The following SLC25A48 variants were observed in gnomAD, a reference collection of about 807,000 sequenced individuals.
The protein encoded by SLC25A48 is CTC-321K16.1.
SLC25A48 carries 29 observed loss-of-function variants against 32.2 expected under a neutral mutation model. The ratio of observed to expected loss-of-function variants is 0.90; its 90% CI spans 0.67 to 1.23. SLC25A48 has a LOEUF of 1.23. SLC25A48 is among the 50% of genes most tolerant of loss of function. The pLI, the probability that SLC25A48 is intolerant of heterozygous loss-of-function variation, is 0.00. For synonymous variants in SLC25A48, 164 were observed against 172.3 expected (o/e 0.95, Z 0.38); for missense variants, 399 against 422.7 (o/e 0.94, Z 0.49).
intron 4 of SLC25A48, among the ~76,000 whole-genome samples, chr5:135,860,267 T>C (rs928114415): frequency 3.9e-5 from 6 of 152,230 alleles, no homozygotes; most frequent in African/African-American, 1.4e-4. Flanking sequence ...TCCTCTCCCA[T>C]TTTTCTTGAG....
chr5:135,767,604 C>T (rs1442550206), intron 3 of SLC25A48, among the ~76,000 whole-genome samples: 1 of 151,750 alleles, frequency 6.6e-6, no homozygotes, highest in Non-Finnish European at 1.5e-5. Context: ...GTGATTACTC[C>T]CAATATCGCA....
Position 135,820,611 on chromosome 5 carries a change from CAA to C in SLC25A48, c.-117+7687_-117+7688del, listed in dbSNP as rs1203468362. On this transcript the variant is annotated intron_variant, in intron 4 of 10. Transcript: ENST00000646290. ...AATATGGTATTGGTACAAAGAGAGA[CAA>C]AGAGATGGATAAAAAAAATCATAAA... Among the ~76,000 whole-genome samples the C allele has an allele frequency of 5.9e-5, 9 of 151,734 alleles. No homozygotes were observed. In the South Asian group the frequency reaches 1.0e-3, roughly 18 times the overall value.
intron 3 of SLC25A48, among the ~76,000 whole-genome samples, chr5:135,788,991 G>A (rs1002514469): frequency 4.6e-5 from 7 of 151,208 alleles, no homozygotes; most frequent in Admixed American, 4.6e-4. Context: ...GATATGGTCT[G>A]TAATATCCAT....
chr5:135,786,340 T>A (rs981428072), intron 3 of SLC25A48, among the ~76,000 whole-genome samples: 29 of 152,136 alleles, frequency 1.9e-4, no homozygotes, highest in African/African-American at 6.5e-4. Flanking sequence ...ACCATGTGTG[T>A]ACACCTTGTG....
intron 4 of SLC25A48, among the ~76,000 whole-genome samples, chr5:135,860,955 G>A (rs1361098340): frequency 6.6e-6 from 1 of 152,104 alleles, no homozygotes; most frequent in Non-Finnish European, 1.5e-5. Flanking sequence ...CAGGTGGTTG[G>A]GGGACTGGCA....
chr5:135,835,089 A>C (rs763907246), intron 1 of SLC25A48, 196 bp downstream of exon 1: 1 of 733,056 alleles, frequency 1.4e-6, no homozygotes. Context: ...TGAGAGCTTC[A>C]CAGCGTTTCG....
intron 1 of SLC25A48, among the ~76,000 whole-genome samples, chr5:135,594,800 C>T (rs1246249363): frequency 1.3e-5 from 2 of 152,176 alleles, no homozygotes; most frequent in Non-Finnish European, 2.9e-5. Flanking sequence ...TGCCCAGATC[C>T]CTCCTATGCA....
intron 3 of SLC25A48, among the ~76,000 whole-genome samples, chr5:135,689,026 TTAGA>T (rs5871572): frequency 0.12 from 18,566 of 152,186 alleles, 1,537 homozygotes; most frequent in Middle Eastern, 0.24. Flanking sequence ...TAACTAAGAC[TTAGA>T]TAGATTAATT....
chr5:135,752,855 C>T (rs370056253), intron 3 of SLC25A48, among the ~76,000 whole-genome samples: 1 of 151,756 alleles, frequency 6.6e-6, no homozygotes, highest in Non-Finnish European at 1.5e-5. Flanking sequence ...ATTACATGGT[C>T]TACACACTCT....
chr5:135,583,750 A>G (rs887304985), intron 1 of SLC25A48, among the ~76,000 whole-genome samples: 14 of 152,124 alleles, frequency 9.2e-5, no homozygotes, highest in African/African-American at 3.1e-4. Flanking sequence ...GGGTCACCCC[A>G]AAATACCTGC....
At chr5:135,795,176 G>A (rs944821180) in intron 3 of SLC25A48, among the ~76,000 whole-genome samples, 5 of 151,836 alleles carry the variant, frequency 3.3e-5, no homozygotes, top group African/African-American at 1.2e-4. Context: ...ATCGCAAGGG[G>A]TGTACACCCA....
chr5:135,741,475 T>G lies in SLC25A48; in HGVS notation c.-520-71048T>G, dbSNP rs570689505. Among the ~76,000 whole-genome samples the G allele has an allele frequency of 1.2e-4, 19 of 152,316 alleles. No homozygotes were observed. The East Asian group carries it at 3.7e-3, about 29-fold the overall frequency. ...ATTTTAGGCCAGGTGCAGTGGCTCA[T>G]GCCTGTAATCTCAGCACTTTGGGAG... On this transcript the variant is annotated intron_variant, in intron 3 of 10. Transcript: ENST00000646290.
intron 3 of SLC25A48, among the ~76,000 whole-genome samples, chr5:135,754,126 A>T (rs1337081333): frequency 2.0e-5 from 3 of 151,722 alleles, no homozygotes; most frequent in Non-Finnish European, 4.4e-5. Context: ...GCAGGACAGC[A>T]CAGGGTGTAT....
chr5:135,683,897 G>A (rs1407527786), intron 3 of SLC25A48, among the ~76,000 whole-genome samples: 1 of 152,260 alleles, frequency 6.6e-6, no homozygotes, highest in East Asian at 1.9e-4. Context: ...ACAAGAAGTA[G>A]CATTCTCCCT....
intron 1 of SLC25A48, among the ~76,000 whole-genome samples, chr5:135,614,833 G>T (rs1580724871): frequency 6.6e-6 from 1 of 152,180 alleles, no homozygotes; most frequent in African/African-American, 2.4e-5. Flanking sequence ...GGTGTGAGAT[G>T]ATTGGAACAT....
intron 4 of SLC25A48, among the ~76,000 whole-genome samples, chr5:135,862,050 C>A (rs565188005): frequency 1.3e-5 from 2 of 152,336 alleles, no homozygotes; most frequent in African/African-American, 2.4e-5. Context: ...CTTTTAAAAT[C>A]ACTGCCCTTT....
intron 3 of SLC25A48, among the ~76,000 whole-genome samples, chr5:135,771,870 A>G (rs189561770): frequency 1.1e-4 from 16 of 151,562 alleles, no homozygotes; most frequent in African/African-American, 3.4e-4. Flanking sequence ...ACCCTGTGAT[A>G]TTAGTAATAT....
At position 135,887,489 on chromosome 5, in the gene SLC25A48, CAT is replaced by C. The variant is rs879332327; in HGVS notation, c.*8-536_*8-535del. ...GTGTGTGTACATATACACACACACA[CAT>C]ATATATGTGTGTATATACATATCCC... On this transcript the variant is annotated intron_variant, in intron 7 of 7. Transcript: ENST00000681962. 1.8e-3 allele frequency among the ~76,000 whole-genome samples: 266 copies of C among 151,918 alleles called. 4 individuals carry two copies. Among genetic ancestry groups the C allele is most frequent in the Admixed American group, 0.015 (231 of 15,260 alleles).
At chr5:135,632,402 G>A (rs1175029086) in intron 2 of SLC25A48, among the ~76,000 whole-genome samples, 1 of 152,180 alleles carries the variant, frequency 6.6e-6, no homozygotes, top group Non-Finnish European at 1.5e-5. Context: ...GACTCAAGAA[G>A]GGTTAGATGG....
Sources: gnomAD v4.1 joint callset for allele counts (sites outside exome capture counted in the v4.1 genomes callset) on GRCh38, gnomAD v4.1.1 for gene constraint, MANE v1.5 for transcripts, NCBI Gene and HGNC (gene_info 2026-07-23, HGNC 2026-07-21) for gene names.